Variants in VTI1A observed in about 807,000 individuals in gnomAD.
The protein encoded by VTI1A is vesicle transport through interaction with t-SNAREs homolog 1A.
A neutral mutation model predicts 34.9 loss-of-function variants in VTI1A; 22 were observed. The ratio of observed to expected loss-of-function variants is 0.63; its 90% CI spans 0.45 to 0.90. The LOEUF is 0.90. Among genes scored for constraint, VTI1A ranks in the 40% least tolerant of loss-of-function variants. The pLI is 0.00. For synonymous variants in VTI1A, 87 were observed against 97.3 expected (o/e 0.89, Z 0.62); for missense variants, 268 against 275.6 (o/e 0.97, Z 0.20).
intron 5 of VTI1A, among the ~76,000 whole-genome samples, chr10:112,621,756 A>G (rs943199156): frequency 1.3e-5 from 2 of 152,134 alleles, no homozygotes; most frequent in African/African-American, 4.8e-5. Flanking sequence ...GAAATCCTTA[A>G]TTGTCCACTG....
At chr10:112,610,634 C>T (rs528957177) in intron 5 of VTI1A, among the ~76,000 whole-genome samples, 2 of 152,180 alleles carry the variant, frequency 1.3e-5, no homozygotes, top group South Asian at 4.1e-4. Context: ...GAATTACATT[C>T]GGCCGGGCGC....
the VTI1A span, among the ~76,000 whole-genome samples, chr10:112,830,849 A>ATATATTTTTT: frequency 3.0e-5 from 1 of 33,496 alleles, no homozygotes; most frequent in African/African-American, 1.4e-4. Context: ...ATATATATAT[A>ATATATTTTTT]TTTTTTTTTT....
chr10:112,754,513 C>T (rs1386625539), intron 7 of VTI1A, among the ~76,000 whole-genome samples: 2 of 152,220 alleles, frequency 1.3e-5, no homozygotes, highest in Admixed American at 6.5e-5. Flanking sequence ...AGAAAAAGTT[C>T]ACGACACAGT....
chr10:112,589,013 C>A (rs902806721), intron 5 of VTI1A, among the ~76,000 whole-genome samples: 2 of 122,148 alleles, frequency 1.6e-5, no homozygotes, highest in African/African-American at 6.7e-5. Flanking sequence ...ACTTTGACTC[C>A]TTGTCTTTTT....
At chr10:112,674,616 T>C (rs534339906) in intron 7 of VTI1A, among the ~76,000 whole-genome samples, 1 of 152,314 alleles carries the variant, frequency 6.6e-6, no homozygotes, top group Non-Finnish European at 1.5e-5. Flanking sequence ...ACCAGCTGCA[T>C]TCTTTGAGCC....
intron 7 of VTI1A, among the ~76,000 whole-genome samples, chr10:112,755,393 G>A (rs1262599312): frequency 6.6e-6 from 1 of 152,348 alleles, no homozygotes; most frequent in Admixed American, 6.5e-5. Flanking sequence ...ATCTGCCAGG[G>A]TGGGGGCCAC....
chr10:112,646,804 C>A (rs1056367424), intron 5 of VTI1A, among the ~76,000 whole-genome samples: 1 of 152,190 alleles, frequency 6.6e-6, no homozygotes, highest in Non-Finnish European at 1.5e-5. Flanking sequence ...AGCCACCGCG[C>A]CCGGCTACCA....
intron 5 of VTI1A, among the ~76,000 whole-genome samples, chr10:112,580,368 A>G (rs1386642344): frequency 2.0e-5 from 3 of 152,250 alleles, no homozygotes; most frequent in African/African-American, 7.2e-5. Flanking sequence ...GGCAAGGTCA[A>G]GAACTTAGAA....
At chr10:112,629,490 T>C (rs1846052333) in intron 5 of VTI1A, among the ~76,000 whole-genome samples, 1 of 152,194 alleles carries the variant, frequency 6.6e-6, no homozygotes, top group African/African-American at 2.4e-5. Flanking sequence ...AGAAACAGAA[T>C]CTTTTAAAAA....
chr10:112,741,581 G>A (rs576423681), intron 7 of VTI1A, among the ~76,000 whole-genome samples: 1 of 152,274 alleles, frequency 6.6e-6, no homozygotes, highest in African/African-American at 2.4e-5. Context: ...TTAAATGGGT[G>A]AATTGCATGG....
intron 3 of VTI1A, among the ~76,000 whole-genome samples, chr10:112,483,659 A>ACC (rs1457488742): frequency 6.6e-6 from 1 of 152,048 alleles, no homozygotes; most frequent in African/African-American, 2.4e-5. Flanking sequence ...GCAGACTGCC[A>ACC]CCCCAACCCC....
intron 2 of VTI1A, among the ~76,000 whole-genome samples, chr10:112,461,024 A>T (rs993864992): frequency 4.6e-5 from 7 of 152,190 alleles, no homozygotes; most frequent in Non-Finnish European, 1.0e-4. Context: ...AGTTTCATAG[A>T]TGACTATGTC....
Position 112,752,540 on chromosome 10 carries a change from A to G in VTI1A, c.561-62750A>G, listed in dbSNP as rs1851138905. ...AAATCTTTGAAATGCTGAAGGTATGATTCTCCTTCAGGGGGAACATGCTTT... is the reference window on the plus strand; with the variant it reads ...AAATCTTTGAAATGCTGAAGGTATGGTTCTCCTTCAGGGGGAACATGCTTT... On this transcript the variant is annotated intron_variant, in intron 7 of 7. Transcript: ENST00000393077. 5.1e-6 allele frequency: 5 copies of G among 985,288 alleles called. No homozygotes were observed. In the South Asian group the frequency reaches 2.3e-4, roughly 46 times the overall value. 61.0% of individuals were successfully genotyped at this position (985,288 alleles called of 1,614,324 possible).
chr10:112,561,310 C>G (rs899752127), intron 5 of VTI1A, among the ~76,000 whole-genome samples: 1 of 152,012 alleles, frequency 6.6e-6, no homozygotes, highest in Admixed American at 6.5e-5. Context: ...CATAAGTTTA[C>G]TTTGGTAATT....
intron 7 of VTI1A, among the ~76,000 whole-genome samples, chr10:112,680,687 T>C (rs1329275404): frequency 6.6e-6 from 1 of 152,252 alleles, no homozygotes; most frequent in African/African-American, 2.4e-5. Flanking sequence ...TAACTTGTGC[T>C]ACATAGTAAG....
chr10:112,770,595 A>G (rs1851780990), intron 7 of VTI1A, among the ~76,000 whole-genome samples: 1 of 150,154 alleles, frequency 6.7e-6, no homozygotes, highest in African/African-American at 2.5e-5. Context: ...TTTAGTAGAG[A>G]TAGGGTTTCA....
At chr10:112,743,043 T>C (rs867216735) in intron 7 of VTI1A, among the ~76,000 whole-genome samples, 27 of 152,042 alleles carry the variant, frequency 1.8e-4, no homozygotes, top group South Asian at 4.2e-4. Flanking sequence ...TGTGTGTGTG[T>C]GTGTGTGTGT....
At position 112,527,139 on chromosome 10, in the gene VTI1A, A is replaced by T. The variant is rs1470799207; in HGVS notation, c.317A>T (p.Asp106Val). The change falls in exon 4 of 8, where the codon GAT becomes GTT. Residue 106 changes from aspartate (D) to valine (V), a missense_variant. Physicochemically the swap from Asp to Val is radical, Grantham distance 152. Transcript: ENST00000393077. ...GAAGTACGGAATGAGCTCCTGGGGG[A>T]TGATGGGAATTCCTCAGAGAACCAG... ...SDEVRNELLG[D>V]DGNSSENQRA... is the part of the protein sequence containing the mutation. 11 of 1,613,004 alleles carry T rather than the reference A, an allele frequency of 6.8e-6. No individual in the cohort carries two copies. In the Admixed American group the frequency reaches 1.8e-4, roughly 27 times the overall value.
chr10:112,812,982 G>A (rs1376543645), intron 7 of VTI1A, among the ~76,000 whole-genome samples: 1 of 152,218 alleles, frequency 6.6e-6, no homozygotes, highest in Non-Finnish European at 1.5e-5. Context: ...GAAGATTACA[G>A]TTACCAGAGA....
Sources: allele counts gnomAD v4.1 joint callset (sites outside exome capture counted in the v4.1 genomes callset), GRCh38; gene constraint gnomAD v4.1.1; transcripts MANE v1.5; gene names NCBI Gene and HGNC (gene_info 2026-07-23, HGNC 2026-07-21).